RNLS: variants seen among roughly 807,000 people sequenced by gnomAD.
RNLS encodes the protein renalase.
RNLS carries 39 observed loss-of-function variants against 39.8 expected under a neutral mutation model. The ratio of observed to expected loss-of-function variants is 0.98; its 90% CI spans 0.76 to 1.28. The LOEUF (loss-of-function observed/expected upper bound fraction) is 1.28, where lower values mean the gene tolerates loss of function less well. RNLS is among the 50% of genes most tolerant of loss of function. The pLI, the probability that RNLS is intolerant of heterozygous loss-of-function variation, is 0.00. For synonymous variants in RNLS, 147 were observed against 150.7 expected, an observed-to-expected ratio of 0.98 and a Z score of 0.18; for missense variants, 410 against 413.3, an observed-to-expected ratio of 0.99 and a Z score of 0.07.
the RNLS span, among the ~76,000 whole-genome samples, chr10:88,253,037 T>C: frequency 1.3e-5 from 2 of 152,214 alleles, no homozygotes; most frequent in African/African-American, 2.4e-5. Flanking sequence ...GCCCTTAGGC[T>C]GAAGTGAATT....
intron 5 of RNLS, among the ~76,000 whole-genome samples, chr10:88,317,307 C>T (rs1242681168): frequency 2.0e-5 from 3 of 152,186 alleles, no homozygotes; most frequent in Non-Finnish European, 2.9e-5. Flanking sequence ...CACTACTGAC[C>T]TTACAAGGCT....
At chr10:88,468,791 G>A (rs373117691) in intron 4 of RNLS, among the ~76,000 whole-genome samples, 11 of 152,194 alleles carry the variant, frequency 7.2e-5, no homozygotes, top group African/African-American at 2.2e-4. Flanking sequence ...CCCGTACTAC[G>A]TCCCTTTAGA....
At chr10:88,487,544 C>T (rs750535958) in intron 4 of RNLS, among the ~76,000 whole-genome samples, 1 of 152,052 alleles carries the variant, frequency 6.6e-6, no homozygotes, top group Non-Finnish European at 1.5e-5. Context: ...ACTACACACT[C>T]GTTAAAATGG....
At chr10:88,314,992 T>C (rs1845651113) in intron 5 of RNLS, among the ~76,000 whole-genome samples, 1 of 149,730 alleles carries the variant, frequency 6.7e-6, no homozygotes, top group South Asian at 2.2e-4. Context: ...CAGGGTCCAT[T>C]TTTTTTATAC....
downstream of RNLS, among the ~76,000 whole-genome samples, chr10:88,273,044 C>A (rs1259975442): frequency 1.3e-5 from 2 of 152,170 alleles, no homozygotes; most frequent in African/African-American, 4.8e-5. Flanking sequence ...GTTCTTGTGA[C>A]CTCTCCCCAC....
chr10:88,392,604 G>T (rs1387717041), intron 4 of RNLS, among the ~76,000 whole-genome samples: 2 of 152,150 alleles, frequency 1.3e-5, no homozygotes, highest in African/African-American at 2.4e-5. Context: ...CTATGACAAA[G>T]AAATCACATA....
At chr10:88,227,988 T>A in the RNLS span, among the ~76,000 whole-genome samples, 10 of 152,268 alleles carry the variant, frequency 6.6e-5, no homozygotes, top group East Asian at 1.5e-3. Context: ...CGGGTATTCA[T>A]CCTGGGCCTA....
chr10:88,285,604 C>G, intron 6 of RNLS, 98 bp from the exon 7 acceptor site: 2 of 1,006,598 alleles, frequency 2.0e-6, no homozygotes, highest in Middle Eastern at 2.2e-4. Flanking sequence ...CTGGAGAAAT[C>G]AAGATTTCTC....
chr10:88,275,367 A>G (rs943075756), intron 6 of RNLS, among the ~76,000 whole-genome samples: 1 of 152,202 alleles, frequency 6.6e-6, no homozygotes, highest in African/African-American at 2.4e-5. Context: ...AAATTAACAT[A>G]TTCCTTTGAA....
chr10:88,366,289 A>C (rs1209722824), intron 4 of RNLS, among the ~76,000 whole-genome samples: 1 of 152,080 alleles, frequency 6.6e-6, no homozygotes, highest in Non-Finnish European at 1.5e-5. Flanking sequence ...AAGGACAGAC[A>C]TGGCATGCCT....
chr10:88,484,848 CA>C lies in RNLS; in HGVS notation c.526+88054del, dbSNP rs535672060. ...AAAATACAAGACATTTAAAGTATGGCAAAACTTTAAAATAGTCAGTTGAGGC... is the reference window on the plus strand; with the variant it reads ...AAAATACAAGACATTTAAAGTATGGCAAACTTTAAAATAGTCAGTTGAGGC... On this transcript the variant is annotated intron_variant, in intron 4 of 6. Coordinates refer to ENST00000331772, the MANE Select transcript of RNLS (RefSeq NM_001031709.3). 2.7e-3 allele frequency among the ~76,000 whole-genome samples: 415 copies of C among 151,962 alleles called. 2 individuals carry two copies. The highest frequency in any genetic ancestry group is 9.6e-3 in the African/African-American group (397 of 41,524).
Position 88,284,660 on chromosome 10 carries a change from A to G in RNLS, c.*694T>C, listed in dbSNP as rs1018568991. On this transcript the variant is annotated 3_prime_UTR_variant, in exon 7 of 7. Transcript: ENST00000331772. Reference sequence around the variant, plus strand: ...ATCGATATACTTTCTCTCTGTTTCTATTTAATTTTTATCTTTCATATTAGG... The same window carrying G: ...ATCGATATACTTTCTCTCTGTTTCTGTTTAATTTTTATCTTTCATATTAGG... 5 of 985,056 alleles carry G rather than the reference A, an allele frequency of 5.1e-6. No individual in the cohort carries two copies. In the East Asian group the frequency reaches 3.4e-4, roughly 67 times the overall value. The allele number at this position is 985,056 out of a possible 1,614,324, so 61.0% of individuals were successfully genotyped here. A position where few individuals can be genotyped will look rare whatever the true frequency, so the allele number is the denominator to read the frequency against.
At chr10:88,185,919 A>G in the RNLS span, among the ~76,000 whole-genome samples, 1 of 152,186 alleles carries the variant, frequency 6.6e-6, no homozygotes, top group Non-Finnish European at 1.5e-5. Flanking sequence ...AGCAATTTTA[A>G]TGGAGAAGCC....
At chr10:88,469,359 G>A (rs1843382828) in intron 4 of RNLS, among the ~76,000 whole-genome samples, 2 of 152,176 alleles carry the variant, frequency 1.3e-5, no homozygotes, top group Admixed American at 1.3e-4. Flanking sequence ...GAGACAATCA[G>A]AGTCATTCCT....
intron 4 of RNLS, among the ~76,000 whole-genome samples, chr10:88,397,585 C>T (rs2133616580): frequency 6.6e-6 from 1 of 151,176 alleles, no homozygotes; most frequent in East Asian, 1.9e-4. Context: ...GCAAAATAGG[C>T]CCAAAGAAAG....
chr10:88,321,769 G>T (rs1378483447), intron 5 of RNLS, among the ~76,000 whole-genome samples: 1 of 151,532 alleles, frequency 6.6e-6, no homozygotes, highest in East Asian at 1.9e-4. Flanking sequence ...ATGCTGAACA[G>T]ACCAATAATG....
chr10:88,478,951 G>A lies in RNLS; in HGVS notation c.526+93952C>T, dbSNP rs997458719. Among the ~76,000 whole-genome samples the A allele has an allele frequency of 3.3e-5, 5 of 150,648 alleles. No homozygotes were observed. The South Asian group carries it at 1.0e-3, about 32-fold the overall frequency. On this transcript the variant is annotated intron_variant, in intron 4 of 6. Transcript: ENST00000331772. ...TCTGTCTCTCAAGCCATGCTGAGGA[G>A]CCCAAGTACCTGGGTTTGAATCCTA...
intron 4 of RNLS, among the ~76,000 whole-genome samples, chr10:88,470,283 A>G (rs1843442398): frequency 6.6e-6 from 1 of 152,126 alleles, no homozygotes; most frequent in Admixed American, 6.6e-5. Context: ...GGTAATAAGC[A>G]TAGTACCCGA....
chr10:88,312,748 A>T (rs943316315), intron 6 of RNLS, among the ~76,000 whole-genome samples: 1 of 151,866 alleles, frequency 6.6e-6, no homozygotes, highest in Non-Finnish European at 1.5e-5. Context: ...TTTAATTTGA[A>T]TTTTTTCTAT....
Sources: gnomAD v4.1 joint callset for allele counts (sites outside exome capture counted in the v4.1 genomes callset) on GRCh38, gnomAD v4.1.1 for gene constraint, MANE v1.5 for transcripts, NCBI Gene and HGNC (gene_info 2026-07-23, HGNC 2026-07-21) for gene names.